ST3GAL4: variants seen among roughly 807,000 people sequenced by gnomAD.
ST3GAL4 encodes the protein CMP-N-acetylneuraminate-beta-galactosamide-alpha-2,3-sialyltransferase 4.
In ST3GAL4, 24 loss-of-function variants were observed where a neutral mutation model predicts 42.6. The ratio of observed to expected loss-of-function variants is 0.56; its 90% CI spans 0.41 to 0.79. ST3GAL4 has a LOEUF of 0.79. Among genes scored for constraint, ST3GAL4 ranks in the 30% least tolerant of loss-of-function variants. The pLI is 0.00. For missense variants in ST3GAL4, 311 were observed against 430.8 expected (o/e 0.72, Z 2.46); for synonymous variants, 135 against 163.2 (o/e 0.83, Z 1.32).
Position 126,406,888 on chromosome 11 carries a change from C to T in ST3GAL4, c.102-55C>T. ...GGGAGAAGGCTTAGGCTGCCTGGAACATGGGTCCCTGGGTCTGACTGGGGC... is the reference window on the plus strand; with the variant it reads ...GGGAGAAGGCTTAGGCTGCCTGGAATATGGGTCCCTGGGTCTGACTGGGGC... On this transcript the variant is annotated intron_variant, in intron 3 of 10. Coordinates refer to ENST00000444328, the MANE Select transcript of ST3GAL4 (RefSeq NM_001254757.2). This position sits in a 1 kb window ranked among gnomAD's most constrained non-coding sequence, Gnocchi z 5.4. 6.6e-7 allele frequency: 1 copy of T among 1,516,692 alleles called. No homozygotes were observed. Among genetic ancestry groups the T allele is most frequent in the Non-Finnish European group, 9.1e-7 (1 of 1,093,520 alleles). The allele number at this position is 1,516,692 out of a possible 1,614,324, so 94.0% of individuals were successfully genotyped here.
At chr11:126,408,240 C>G in intron 7 of ST3GAL4, 46 bp downstream of exon 7, 3 of 1,612,836 alleles carry the variant, frequency 1.9e-6, no homozygotes, top group Non-Finnish European at 2.5e-6. Context: ...AACTGGATGT[C>G]CGAGCCAGGG....
rs1953960099 is a variant in ST3GAL4, at chr11:126,400,681, T to G, written c.-60-5415T>G. 6.6e-6 allele frequency among the ~76,000 whole-genome samples: 1 copy of G among 152,200 alleles called. No homozygotes were observed. Among genetic ancestry groups the G allele is most frequent in the South Asian group, 2.1e-4 (1 of 4,826 alleles). On this transcript the variant is annotated intron_variant, in intron 1 of 10. Coordinates refer to ENST00000444328, the MANE Select transcript of ST3GAL4 (RefSeq NM_001254757.2). This position sits in a 1 kb window ranked among gnomAD's most constrained non-coding sequence, Gnocchi z 4.6. ...TATCATTTCTTAGAAGGATACCATGTTGGCAGTTTCGAAGAAGGGGCATGA... is the reference window on the plus strand; with the variant it reads ...TATCATTTCTTAGAAGGATACCATGGTGGCAGTTTCGAAGAAGGGGCATGA...
chr11:126,359,297 T>G lies in ST3GAL4; in HGVS notation c.-61+3455T>G, dbSNP rs1249275068. On this transcript the variant is annotated intron_variant, in intron 1 of 10. Transcript: ENST00000444328. The surrounding 1 kb of genome is among the most constrained non-coding windows in gnomAD (Gnocchi z 4.8). ...TATTAAAAGCCTGGCCCAATAAACT[T>G]AAAAAAAAAAAAAAGATGTGCTAGA... is the stretch of plus-strand genomic sequence containing the variant. 7.1e-6 allele frequency among the ~76,000 whole-genome samples: 1 copy of G among 141,284 alleles called. No homozygotes were observed. Among genetic ancestry groups the G allele is most frequent in the Non-Finnish European group, 1.6e-5 (1 of 64,388 alleles). The allele number at this position is 141,284 out of a possible 152,430, so 92.7% of individuals were successfully genotyped here.
At chr11:126,372,203 A>G (rs1952681419) in intron 1 of ST3GAL4, among the ~76,000 whole-genome samples, 1 of 152,180 alleles carries the variant, frequency 6.6e-6, no homozygotes, top group Non-Finnish European at 1.5e-5. Context: ...TCCTCCTGCT[A>G]GTCAATGGCT....
chr11:126,358,037 G>A (rs1209334643), intron 1 of ST3GAL4, among the ~76,000 whole-genome samples: 1 of 152,232 alleles, frequency 6.6e-6, no homozygotes, highest in South Asian at 2.1e-4. Context: ...CCCAAGTGGG[G>A]TCTGAAGTCC....
Position 126,413,648 on chromosome 11 carries a change from G to A in ST3GAL4, c.915G>A (p.Ala305=), listed in dbSNP as rs369027864. Residue 305 remains alanine, a splice_region_variant and synonymous_variant, in exon 10 of 11, where the codon GCG becomes GCA. Coordinates refer to ENST00000444328, the MANE Select transcript of ST3GAL4 (RefSeq NM_001254757.2). ...AGCAGATCACGCTCAAGTCCATGGC[G>A]GTAAGTGCCTGGCTTGTGAGCATGG... The part of the protein sequence containing the change: ...YYEQITLKSM[A]GSGHNVSQEA... 8.1e-6 allele frequency: 13 copies of A among 1,613,942 alleles called. No individual in the cohort carries two copies. Among genetic ancestry groups the A allele is most frequent in the African/African-American group, 2.7e-5 (2 of 74,934 alleles).
In ST3GAL4 at chr11:126,406,844, C is replaced by T. The variant is rs1022383766; in HGVS notation, c.102-99C>T. 5 of 1,166,270 alleles carry T rather than the reference C, an allele frequency of 4.3e-6. No homozygotes were observed. In the African/African-American group the frequency reaches 6.1e-5, roughly 14 times the overall value. 72.2% of individuals were successfully genotyped at this position (1,166,270 alleles called of 1,614,324 possible). On this transcript the variant is annotated intron_variant, in intron 3 of 10. Transcript: ENST00000444328. This position sits in a 1 kb window ranked among gnomAD's most constrained non-coding sequence, Gnocchi z 5.4. ...ACTTGAGATGATTCCTCCCCGGCACCTTGGGACCTTCATGCCGTGGGAGAA... is the reference window on the plus strand; with the variant it reads ...ACTTGAGATGATTCCTCCCCGGCACTTTGGGACCTTCATGCCGTGGGAGAA...
In ST3GAL4 at chr11:126,384,992, C is replaced by A; in HGVS notation, c.-60-21104C>A. The A allele has an allele frequency of 1.1e-6, 1 of 869,692 alleles. No homozygotes were observed. Among genetic ancestry groups the A allele is most frequent in the Non-Finnish European group, 1.4e-6 (1 of 724,260 alleles). The allele number at this position is 869,692 out of a possible 1,614,324, so 53.9% of individuals were successfully genotyped here. ...GCTGGCACCTTCCACGTCCTGAGTG[C>A]TTGTTCTGTGCCCAGCCCCTGCTGA... On this transcript the variant is annotated intron_variant, in intron 1 of 10. Transcript: ENST00000444328. This position sits in a 1 kb window ranked among gnomAD's most constrained non-coding sequence, Gnocchi z 5.5.
At chr11:126,381,827 C>A (rs1953017412) in intron 1 of ST3GAL4, among the ~76,000 whole-genome samples, 1 of 151,414 alleles carries the variant, frequency 6.6e-6, no homozygotes, top group Admixed American at 6.6e-5. Flanking sequence ...AAGGGGAATC[C>A]ATTTCCTCCC....
chr11:126,368,291 A>C (rs1264148496), intron 1 of ST3GAL4, among the ~76,000 whole-genome samples: 1 of 152,200 alleles, frequency 6.6e-6, no homozygotes, highest in East Asian at 1.9e-4. Flanking sequence ...TGACATCAGG[A>C]GTCAGTGACC....
intron 5 of ST3GAL4, 44 bp from the exon 6 acceptor site, chr11:126,407,530 A>G (rs982624972): frequency 1.2e-6 from 2 of 1,612,528 alleles, no homozygotes; most frequent in South Asian, 1.1e-5. Context: ...AGCCTTCAGA[A>G]TGCTATCTGT....
At chr11:126,404,229 C>G (rs1042027794) in intron 1 of ST3GAL4, among the ~76,000 whole-genome samples, 9 of 152,178 alleles carry the variant, frequency 5.9e-5, no homozygotes, top group Non-Finnish European at 8.8e-5. Flanking sequence ...CTTGTCTGGG[C>G]TCTGGGATGC....
At chr11:126,358,263 C>T (rs968798428) in intron 1 of ST3GAL4, among the ~76,000 whole-genome samples, 2 of 152,280 alleles carry the variant, frequency 1.3e-5, no homozygotes, top group East Asian at 1.9e-4. Context: ...TTAGCTCCCG[C>T]TCCGTGTTTC....
At chr11:126,361,442 C>T (rs554989142) in intron 1 of ST3GAL4, among the ~76,000 whole-genome samples, 2 of 151,622 alleles carry the variant, frequency 1.3e-5, no homozygotes, top group East Asian at 3.9e-4. Flanking sequence ...GGTAGCATGC[C>T]GTGTGGGGTC....
intron 1 of ST3GAL4, among the ~76,000 whole-genome samples, chr11:126,377,147 A>G (rs1193747530): frequency 6.6e-6 from 1 of 152,150 alleles, no homozygotes; most frequent in Non-Finnish European, 1.5e-5. Flanking sequence ...AGTTTTCGGT[A>G]ATACCTGATT....
rs1195029066 is a variant in ST3GAL4, at chr11:126,414,217, C to G, written c.*170C>G. 2 of 657,232 alleles carry G rather than the reference C, an allele frequency of 3.0e-6. No homozygotes were observed. Among genetic ancestry groups the G allele is most frequent in the Non-Finnish European group, 2.7e-6 (1 of 374,976 alleles). The allele number at this position is 657,232 out of a possible 1,614,324, so 40.7% of individuals were successfully genotyped here. ...AGATGAGGCCATGCCCCTGGCTGCTCTTATGGAGCCGAGATCCAGTCAGGG... is the reference window on the plus strand; with the variant it reads ...AGATGAGGCCATGCCCCTGGCTGCTGTTATGGAGCCGAGATCCAGTCAGGG... On this transcript the variant is annotated 3_prime_UTR_variant, in exon 11 of 11. Transcript: ENST00000444328.
At chr11:126,358,704 G>A (rs1311626668) in intron 1 of ST3GAL4, among the ~76,000 whole-genome samples, 1 of 152,174 alleles carries the variant, frequency 6.6e-6, no homozygotes, top group Admixed American at 6.5e-5. Flanking sequence ...TAGAGGGTGT[G>A]GGTGTCCAGA....
rs1306629276 is a variant in ST3GAL4, at chr11:126,396,445, C to T, written c.-60-9651C>T. Among the ~76,000 whole-genome samples, 1 of 151,984 alleles carries T rather than the reference C, an allele frequency of 6.6e-6. No homozygotes were observed. The highest frequency in any genetic ancestry group is 1.5e-5 in the Non-Finnish European group (1 of 68,030). Reference sequence around the variant, plus strand: ...TCATGGAAGTCTGGTGTCCAGCTGGCAGGCATTAGTGGTCCCATGAATACA... The same window carrying T: ...TCATGGAAGTCTGGTGTCCAGCTGGTAGGCATTAGTGGTCCCATGAATACA... On this transcript the variant is annotated intron_variant, in intron 1 of 10. Transcript: ENST00000444328. The surrounding 1 kb of genome is among the most constrained non-coding windows in gnomAD (Gnocchi z 5.8).
chr11:126,403,656 G>C (rs139602435), intron 1 of ST3GAL4, among the ~76,000 whole-genome samples: 26 of 152,276 alleles, frequency 1.7e-4, no homozygotes, highest in African/African-American at 6.3e-4. Flanking sequence ...AAGATGAAAC[G>C]CACCCTGGTC....
Sources: gnomAD v4.1 joint callset for allele counts (sites outside exome capture counted in the v4.1 genomes callset) on GRCh38, gnomAD v4.1.1 for gene constraint, Gnocchi (gnomAD v3.1) non-coding constraint, MANE v1.5 for transcripts, NCBI Gene and HGNC (gene_info 2026-07-23, HGNC 2026-07-21) for gene names.